Variants in TSC1 observed in about 807,000 individuals in gnomAD.
TSC1 encodes hamartin.
TSC1 carries 20 observed loss-of-function variants against 124.3 expected under a neutral mutation model. The observed-to-expected ratio is 0.16, with a 90% confidence interval of 0.11 to 0.23. TSC1 has a LOEUF of 0.23. Among genes scored for constraint, TSC1 ranks in the 10% least tolerant of loss-of-function variants. TSC1 has a pLI of 1.00. For synonymous variants in TSC1, 493 were observed against 539.1 expected (o/e 0.91, Z 1.19); for missense variants, 1,124 against 1,448.5 (o/e 0.78, Z 3.64).
Position 132,944,577 on chromosome 9 carries a change from A to G in TSC1, c.-178T>C. The G allele has an allele frequency of 2.5e-6, 1 of 398,800 alleles. No homozygotes were observed. The highest frequency in any genetic ancestry group is 4.4e-6 in the Non-Finnish European group (1 of 226,254). The allele number at this position is 398,800 out of a possible 1,614,324, so 24.7% of individuals were successfully genotyped here. A position where few individuals can be genotyped will look rare whatever the true frequency, so the allele number is the denominator to read the frequency against. On this transcript the variant is annotated 5_prime_UTR_variant, in exon 1 of 23. Transcript: ENST00000298552. ...CCTCCCCCTCAGCTGTTTACCTCAC[A>G]GTCCCTCCAGCCTACAGGGCGCCGC...
rs564956931 is a variant in TSC1 at position 132,924,299 on chromosome 9, T to C, written c.364-807A>G. 1.4e-4 allele frequency among the ~76,000 whole-genome samples: 22 copies of C among 152,344 alleles called. No individual in the cohort carries two copies. In the East Asian group the frequency reaches 4.2e-3, roughly 29 times the overall value. On this transcript the variant is annotated intron_variant, in intron 5 of 22. Transcript: ENST00000298552. ...ACTACTATGTAGGTTAAGACATCCA[T>C]TATTCCTATTAGAATAGGAATCTAT...
rs190267978 is a variant in TSC1 at position 132,906,976 on chromosome 9, G to A, written c.1334-141C>T. On this transcript the variant is annotated intron_variant, in intron 13 of 22. Transcript: ENST00000298552. This position sits in a 1 kb window ranked among gnomAD's most constrained non-coding sequence, Gnocchi z 4.1. The stretch of plus-strand genomic sequence containing the variant: ...AGGCTGGACATGGCTCTGTCCTGGG[G>A]ATACTACAAAAGACTGAAATATTAA... 30 of 725,616 alleles carry A rather than the reference G, an allele frequency of 4.1e-5. No individual in the cohort carries two copies. In the Admixed American group the frequency reaches 4.8e-4, roughly 12 times the overall value. The allele number at this position is 725,616 out of a possible 1,614,324, so 44.9% of individuals were successfully genotyped here.
chr9:132,912,167 A>G (rs1208916720), intron 9 of TSC1, 115 bp downstream of exon 9: 1 of 1,312,998 alleles, frequency 7.6e-7, no homozygotes, highest in African/African-American at 1.5e-5. Context: ...ATATTTTGGG[A>G]AAAATCCCTA....
intron 1 of TSC1, among the ~76,000 whole-genome samples, chr9:132,939,922 G>C (rs1847652043): frequency 6.6e-6 from 1 of 152,086 alleles, no homozygotes; most frequent in Admixed American, 6.6e-5. Context: ...GGGCCTTCTA[G>C]GTAATTCTGA....
Position 132,903,137 on chromosome 9 carries a change from G to A in TSC1, c.2209-350C>T, listed in dbSNP as rs527442865. 1.3e-5 allele frequency among the ~76,000 whole-genome samples: 2 copies of A among 152,296 alleles called. No homozygotes were observed. The highest frequency in any genetic ancestry group is 3.9e-4 in the East Asian group (2 of 5,184). ...ACTGAATGCTTGCAGTGTGCTGGGC[G>A]CTCAGCAAGGGCTTACCGACATAAT... On this transcript the variant is annotated intron_variant, in intron 17 of 22. Coordinates refer to ENST00000298552, the MANE Select transcript of TSC1 (RefSeq NM_000368.5). This position sits in a 1 kb window ranked among gnomAD's most constrained non-coding sequence, Gnocchi z 5.9.
Position 132,906,888 on chromosome 9 carries a change from A to AC in TSC1, c.1334-54_1334-53insG. The stretch of plus-strand genomic sequence containing the variant: ...CAAAGAAATACAGTGTAATCCCTGT[A>AC]AGTGTAAAACTGCTTACACTGTATA... On this transcript the variant is annotated intron_variant, in intron 13 of 22. Coordinates refer to ENST00000298552, the MANE Select transcript of TSC1 (RefSeq NM_000368.5). The surrounding 1 kb of genome is among the most constrained non-coding windows in gnomAD (Gnocchi z 4.1). 6.9e-7 allele frequency: 1 copy of AC among 1,452,408 alleles called. No individual in the cohort carries two copies. Among genetic ancestry groups the AC allele is most frequent in the Non-Finnish European group, 9.7e-7 (1 of 1,035,118 alleles). The allele number at this position is 1,452,408 out of a possible 1,614,324, so 90.0% of individuals were successfully genotyped here.
chr9:132,928,999 C>T (rs1347056698), intron 2 of TSC1, 47 bp from the exon 3 acceptor site: 19 of 1,496,364 alleles, frequency 1.3e-5, no homozygotes, highest in Non-Finnish European at 1.5e-5. Flanking sequence ...CCATTTTTCT[C>T]CATAAAAAAA....
chr9:132,923,626 A>G lies in TSC1; in HGVS notation c.364-134T>C. On this transcript the variant is annotated intron_variant, in intron 5 of 22. Transcript: ENST00000298552. The surrounding 1 kb of genome is among the most constrained non-coding windows in gnomAD (Gnocchi z 4.2). ...AGTTGACTCACGTACTCATTTCCCT[A>G]TCCCTAAGGATTACTGAAGGGATAA... 2 of 1,227,124 alleles carry G rather than the reference A, an allele frequency of 1.6e-6. No individual in the cohort carries two copies. Among genetic ancestry groups the G allele is most frequent in the Non-Finnish European group, 2.3e-6 (2 of 853,338 alleles). 76.0% of individuals were successfully genotyped at this position (1,227,124 alleles called of 1,614,324 possible).
chr9:132,907,880 A>G (rs1322606117), intron 12 of TSC1, among the ~76,000 whole-genome samples: 1 of 152,246 alleles, frequency 6.6e-6, no homozygotes, highest in Non-Finnish European at 1.5e-5. Flanking sequence ...TGAGCTCAGC[A>G]GTTTGAGACT....
intron 1 of TSC1, chr9:132,939,013 C>G (rs1216352922): frequency 6.6e-6 from 1 of 152,168 alleles, no homozygotes; most frequent in African/African-American, 2.4e-5. Flanking sequence ...TTCACTATAA[C>G]TTGTTTCCTA....
chr9:132,907,437 A>G, intron 12 of TSC1, 67 bp from the exon 13 acceptor site: 2 of 1,249,576 alleles, frequency 1.6e-6, no homozygotes, highest in Non-Finnish European at 2.4e-6. Context: ...AGCATATTGT[A>G]AAGTAGTTTA....
In TSC1 at chr9:132,906,574, T is replaced by G; in HGVS notation, c.1438+157A>C. The G allele has an allele frequency of 1.7e-6, 1 of 597,838 alleles. No homozygotes were observed. Among genetic ancestry groups the G allele is most frequent in the Non-Finnish European group, 2.9e-6 (1 of 340,996 alleles). 37.0% of individuals were successfully genotyped at this position (597,838 alleles called of 1,614,324 possible). On this transcript the variant is annotated intron_variant, in intron 14 of 22. Transcript: ENST00000298552. This position sits in a 1 kb window ranked among gnomAD's most constrained non-coding sequence, Gnocchi z 4.1. ...AAAAAAAAAAAAAAAAAAAGTGGCA[T>G]CACTTTACCTGGCATAGGTCCCAGA... is the stretch of plus-strand genomic sequence containing the variant.
At position 132,894,931 on chromosome 9, in the gene TSC1, TG is replaced by T. The variant is rs1335755057; in HGVS notation, c.*1303del. The stretch of plus-strand genomic sequence containing the variant: ...TTCTAGCGTTTCTTTCAGGAGCACT[TG>T]TTGAGTTTGGATTCTCTGCCACTGC... On this transcript the variant is annotated 3_prime_UTR_variant, in exon 23 of 23. Coordinates refer to ENST00000298552, the MANE Select transcript of TSC1 (RefSeq NM_000368.5). 2 of 231,616 alleles carry T rather than the reference TG, an allele frequency of 8.6e-6. No individual in the cohort carries two copies. Among genetic ancestry groups the T allele is most frequent in the East Asian group, 6.1e-5 (1 of 16,400 alleles). The allele number at this position is 231,616 out of a possible 1,614,324, so 14.3% of individuals were successfully genotyped here.
intron 20 of TSC1, chr9:132,899,433 A>G (rs1255166690): frequency 6.6e-6 from 1 of 152,316 alleles, no homozygotes; most frequent in Non-Finnish European, 1.5e-5. Flanking sequence ...TGAATGGCCA[A>G]CTTGACCAAC....
chr9:132,940,424 T>C (rs1588385392), intron 1 of TSC1, among the ~76,000 whole-genome samples: 1 of 152,132 alleles, frequency 6.6e-6, no homozygotes, highest in Non-Finnish European at 1.5e-5. Context: ...ATTTGGTCCA[T>C]AGCTTCCCAC....
At chr9:132,938,331 T>C (rs1293547345) in intron 1 of TSC1, among the ~76,000 whole-genome samples, 1 of 152,204 alleles carries the variant, frequency 6.6e-6, no homozygotes, top group African/African-American at 2.4e-5. Flanking sequence ...TCAATCCACG[T>C]CCTTATCTTC....
At chr9:132,911,649 A>G (rs2131985808) in intron 9 of TSC1, 81 bp from the exon 10 acceptor site, 1 of 773,244 alleles carries the variant, frequency 1.3e-6, no homozygotes, top group Non-Finnish European at 2.1e-6. Context: ...AAAAAAAAAA[A>G]AAAAAAAGAT....
At position 132,892,471 on chromosome 9, in the gene TSC1, A is replaced by C. The variant is rs914276743; in HGVS notation, c.*3764T>G. 3 of 233,244 alleles carry C rather than the reference A, an allele frequency of 1.3e-5. No individual in the cohort carries two copies. Among genetic ancestry groups the C allele is most frequent in the Non-Finnish European group, 2.5e-5 (3 of 118,106 alleles). The allele number at this position is 233,244 out of a possible 1,614,324, so 14.4% of individuals were successfully genotyped here. ...TAGGTATACTGATTTGAGTCACTCC[A>C]CACCAGGCAGCTTCCTTCTCCAGGT... On this transcript the variant is annotated 3_prime_UTR_variant, in exon 23 of 23. Coordinates refer to ENST00000298552, the MANE Select transcript of TSC1 (RefSeq NM_000368.5).
Position 132,933,686 on chromosome 9 carries a change from C to T in TSC1, c.-81+1347G>A, listed in dbSNP as rs1185818719. On this transcript the variant is annotated intron_variant, in intron 2 of 22. Coordinates refer to ENST00000298552, the MANE Select transcript of TSC1 (RefSeq NM_000368.5). ...AGTGACCACAGGAGTAACCTAGCAGCCGGTAGTGCCCACAAAGTATTTTTC... is the reference window on the plus strand; with the variant it reads ...AGTGACCACAGGAGTAACCTAGCAGTCGGTAGTGCCCACAAAGTATTTTTC... 3.9e-5 allele frequency among the ~76,000 whole-genome samples: 6 copies of T among 152,292 alleles called. No homozygotes were observed. In the East Asian group the frequency reaches 1.2e-3, roughly 29 times the overall value.
Sources: gnomAD v4.1 joint callset for allele counts (sites outside exome capture counted in the v4.1 genomes callset) on GRCh38, gnomAD v4.1.1 for gene constraint, Gnocchi (gnomAD v3.1) non-coding constraint, MANE v1.5 for transcripts, NCBI Gene and HGNC (gene_info 2026-07-23, HGNC 2026-07-21) for gene names.